ZEB2: variants seen among roughly 807,000 people sequenced by gnomAD.
ZEB2 encodes the protein zinc finger E-box binding homeobox 2.
In ZEB2, 6 loss-of-function variants were observed where a neutral mutation model predicts 99.9. The ratio of observed to expected loss-of-function variants is 0.06; its 90% confidence interval spans 0.03 to 0.12. The LOEUF (loss-of-function observed/expected upper bound fraction) is 0.12, where lower values mean the gene tolerates loss of function less well. ZEB2 is among the 10% of genes least tolerant of loss of function. The pLI, the probability that ZEB2 is intolerant of heterozygous loss-of-function variation, is 1.00. For synonymous variants in ZEB2, 517 were observed against 542.5 expected, an observed-to-expected ratio of 0.95 and a Z score of 0.65; for missense variants, 969 against 1,502.8, an observed-to-expected ratio of 0.64 and a Z score of 5.87.
intron 2 of ZEB2, chr2:144,511,911 T>C (rs931315728): frequency 2.3e-6 from 3 of 1,287,258 alleles, no homozygotes; most frequent in Non-Finnish European, 3.0e-6. Flanking sequence ...TTTGGGCTTA[T>C]GTTAACATCT....
Position 144,385,315 on chromosome 2 carries a change from A to C in ZEB2, c.*4136T>G, listed in dbSNP as rs77893753. On this transcript the variant is annotated 3_prime_UTR_variant, in exon 10 of 10. Coordinates refer to ENST00000627532, the MANE Select transcript of ZEB2 (RefSeq NM_014795.4). Reference sequence around the variant, plus strand: ...AGAAACAAATGTCATTGAATACAGAATAGTTGAGTTACAGTTAAGAAGGGA... The same window carrying C: ...AGAAACAAATGTCATTGAATACAGACTAGTTGAGTTACAGTTAAGAAGGGA... 8 of 152,312 alleles carry C rather than the reference A, an allele frequency of 5.3e-5. No homozygotes were observed. The East Asian group carries it at 1.3e-3, about 26-fold the overall frequency. The allele number at this position is 152,312 out of a possible 1,614,324, so 9.4% of individuals were successfully genotyped here.
At chr2:144,434,567 AGT>A (rs564515272) in intron 2 of ZEB2, among the ~76,000 whole-genome samples, 55 of 152,298 alleles carry the variant, frequency 3.6e-4, no homozygotes, top group South Asian at 2.5e-3. Flanking sequence ...ACAAATTCCC[AGT>A]GCAGAATGCA....
At chr2:144,510,346 C>G (rs769799999) in intron 2 of ZEB2, among the ~76,000 whole-genome samples, 8 of 151,764 alleles carry the variant, frequency 5.3e-5, no homozygotes, top group Non-Finnish European at 7.4e-5. Flanking sequence ...CCAGCTCGCC[C>G]GTCCCTCCCA....
chr2:144,485,723 G>A (rs1704584745), intron 2 of ZEB2, among the ~76,000 whole-genome samples: 1 of 151,942 alleles, frequency 6.6e-6, no homozygotes, highest in African/African-American at 2.4e-5. Context: ...GGTTCAAGCT[G>A]TTCTCCTGCC....
intron 4 of ZEB2, among the ~76,000 whole-genome samples, chr2:144,406,061 C>T (rs967093265): frequency 3.9e-5 from 6 of 152,136 alleles, no homozygotes; most frequent in African/African-American, 9.7e-5. Context: ...CTTGGTGCCA[C>T]GAGATTCTTC....
At chr2:144,459,691 A>G (rs1321179907) in intron 2 of ZEB2, among the ~76,000 whole-genome samples, 2 of 152,190 alleles carry the variant, frequency 1.3e-5, no homozygotes, top group African/African-American at 2.4e-5. Context: ...TTATTTCTAA[A>G]AAATCTTTGT....
At chr2:144,467,791 G>C (rs1026802360) in intron 2 of ZEB2, among the ~76,000 whole-genome samples, 1 of 152,112 alleles carries the variant, frequency 6.6e-6, no homozygotes, top group Non-Finnish European at 1.5e-5. Context: ...TGCTAATTGG[G>C]CAGAGCTGAA....
At chr2:144,413,320 C>G (rs1210001735) in intron 4 of ZEB2, among the ~76,000 whole-genome samples, 2 of 152,218 alleles carry the variant, frequency 1.3e-5, no homozygotes, top group Non-Finnish European at 2.9e-5. Flanking sequence ...AGGAGGCACT[C>G]AAGAAGCTTG....
chr2:144,498,151 A>ATG (rs1195787821), intron 2 of ZEB2, among the ~76,000 whole-genome samples: 1 of 110,014 alleles, frequency 9.1e-6, no homozygotes, highest in East Asian at 2.5e-4. Context: ...TATACTATAT[A>ATG]TATATATGAA....
At chr2:144,495,522 C>T (rs757782086) in intron 2 of ZEB2, 8 of 152,200 alleles carry the variant, frequency 5.3e-5, no homozygotes, top group Non-Finnish European at 1.0e-4. Context: ...TGTAGACACA[C>T]CTACCAGTAC....
intron 2 of ZEB2, among the ~76,000 whole-genome samples, chr2:144,502,308 GA>G (rs1248038009): frequency 1.3e-5 from 2 of 151,960 alleles, no homozygotes; most frequent in Non-Finnish European, 2.9e-5. Flanking sequence ...TTTACATAAT[GA>G]AAAAGGAGTA....
chr2:144,456,336 G>A (rs1308138551), intron 2 of ZEB2, among the ~76,000 whole-genome samples: 1 of 152,138 alleles, frequency 6.6e-6, no homozygotes, highest in Non-Finnish European at 1.5e-5. Context: ...GTGGATATAA[G>A]GGACTCTTCC....
chr2:144,461,774 G>T (rs1424809524), intron 2 of ZEB2: 2 of 151,994 alleles, frequency 1.3e-5, no homozygotes, highest in Non-Finnish European at 2.9e-5. Flanking sequence ...TAAGCATCTG[G>T]ATGACCAGGT....
At chr2:144,512,344 C>T in intron 2 of ZEB2, 1 of 1,287,212 alleles carries the variant, frequency 7.8e-7, no homozygotes, top group Non-Finnish European at 1.0e-6. Flanking sequence ...AAAGAATCTC[C>T]CACATCTTAG....
rs1181921845 is a variant in ZEB2 at position 144,480,691 on chromosome 2, A to G, written c.73+36587T>C. ...ATCCTGTCACCTTACTTAGCCACCT[A>G]CCTGTCATCTCTATTTTCTCTCTAT... is the stretch of plus-strand genomic sequence containing the variant. On this transcript the variant is annotated intron_variant, in intron 2 of 9. Coordinates refer to ENST00000627532, the MANE Select transcript of ZEB2 (RefSeq NM_014795.4). Among the ~76,000 whole-genome samples, 3 of 149,826 alleles carry G rather than the reference A, an allele frequency of 2.0e-5. No homozygotes were observed. In the Admixed American group the frequency reaches 2.0e-4, roughly 10 times the overall value.
At position 144,385,225 on chromosome 2, in the gene ZEB2, T is replaced by C. The variant is rs1411179497; in HGVS notation, c.*4226A>G. Reference sequence around the variant, plus strand: ...TCTTGAAATATAGAGATTTCACATCTCTACACAATACAGGTTTATAAAGTT... The same window carrying C: ...TCTTGAAATATAGAGATTTCACATCCCTACACAATACAGGTTTATAAAGTT... On this transcript the variant is annotated 3_prime_UTR_variant, in exon 10 of 10. Coordinates refer to ENST00000627532, the MANE Select transcript of ZEB2 (RefSeq NM_014795.4). The C allele has an allele frequency of 2.0e-5, 3 of 152,188 alleles. No homozygotes were observed. The highest frequency in any genetic ancestry group is 1.3e-4 in the Admixed American group (2 of 15,270). 9.4% of individuals were successfully genotyped at this position (152,188 alleles called of 1,614,324 possible). A position where few individuals can be genotyped will look rare whatever the true frequency, so the allele number is the denominator to read the frequency against.
chr2:144,443,753 A>T (rs1270525758), intron 2 of ZEB2, among the ~76,000 whole-genome samples: 3 of 152,146 alleles, frequency 2.0e-5, no homozygotes, highest in Non-Finnish European at 4.4e-5. Context: ...TTCGCTCCCC[A>T]CCAAAACTGT....
chr2:144,400,361 A>G, intron 7 of ZEB2, 91 bp from the exon 8 acceptor site: 22 of 1,400,422 alleles, frequency 1.6e-5, no homozygotes, highest in Non-Finnish European at 2.2e-5. Context: ...AAACCAAACA[A>G]AAGGAACACA....
chr2:144,494,414 G>A (rs1704731324), intron 2 of ZEB2: 1 of 152,152 alleles, frequency 6.6e-6, no homozygotes, highest in African/African-American at 2.4e-5. Context: ...CAATTGTAAT[G>A]ATAAGGCAGA....
Sources: allele counts gnomAD v4.1 joint callset (sites outside exome capture counted in the v4.1 genomes callset), GRCh38; gene constraint gnomAD v4.1.1; transcripts MANE v1.5; gene names NCBI Gene and HGNC (gene_info 2026-07-23, HGNC 2026-07-21).